The following PIAS2 variants were observed in gnomAD, a reference collection of about 807,000 sequenced individuals.
PIAS2 encodes protein inhibitor of activated STAT 2, also known as E3 SUMO-protein ligase PIAS2.
Under a neutral mutation model 69.7 loss-of-function variants are expected in PIAS2, and 19 were observed. The observed-to-expected ratio is 0.27, with a 90% CI of 0.19 to 0.40. The LOEUF is 0.40. Ranked by LOEUF, PIAS2 falls within the 10% of genes least tolerant of loss-of-function variation. The pLI is 1.00. For missense variants in PIAS2, 624 were observed against 757.0 expected (o/e 0.82, Z 2.06); for synonymous variants, 261 against 263.2 (o/e 0.99, Z 0.08).
rs548078151 is a variant in PIAS2, at chr18:46,910,048, C to T, written c.24+7274G>A. ...GTGCACACCTGTAATCCCGGCTACTCGGGAGGCTGAGGCAGTAAAATTGCT... is the reference window on the plus strand; with the variant it reads ...GTGCACACCTGTAATCCCGGCTACTTGGGAGGCTGAGGCAGTAAAATTGCT... On this transcript the variant is annotated intron_variant, in intron 1 of 13. Coordinates refer to ENST00000585916, the MANE Select transcript of PIAS2 (RefSeq NM_004671.5). Among the ~76,000 whole-genome samples, 20 of 152,068 alleles carry T rather than the reference C, an allele frequency of 1.3e-4. No homozygotes were observed. The South Asian group carries it at 3.9e-3, about 30-fold the overall frequency.
intron 1 of PIAS2, among the ~76,000 whole-genome samples, chr18:46,896,111 T>A (rs1232984020): frequency 2.5e-5 from 1 of 39,672 alleles, no homozygotes; most frequent in African/African-American, 1.1e-4. Context: ...AAAAAAGTAA[T>A]AATAAAATAA....
intron 2 of PIAS2, among the ~76,000 whole-genome samples, chr18:46,870,806 G>A (rs1175159408): frequency 6.6e-6 from 1 of 152,042 alleles, no homozygotes; most frequent in Non-Finnish European, 1.5e-5. Flanking sequence ...ATGGTAGTCT[G>A]GGAACGTGAA....
rs1300634194 is a variant in PIAS2, at chr18:46,917,311, C to T, written c.24+11G>A. 4 of 1,478,202 alleles carry T rather than the reference C, an allele frequency of 2.7e-6. No individual in the cohort carries two copies. The highest frequency in any genetic ancestry group is 3.6e-6 in the Non-Finnish European group (4 of 1,110,674). The allele number at this position is 1,478,202 out of a possible 1,614,324, so 91.6% of individuals were successfully genotyped here. Reference sequence around the variant, plus strand: ...CCTCCCCCGCGGCCTCCGCTCTCCACTCCCGCTTACCCTCAACTCTTCGAA... The same window carrying T: ...CCTCCCCCGCGGCCTCCGCTCTCCATTCCCGCTTACCCTCAACTCTTCGAA... On this transcript the variant is annotated intron_variant, in intron 1 of 13. Transcript: ENST00000585916.
At chr18:46,889,663 T>C (rs2053753101) in intron 2 of PIAS2, among the ~76,000 whole-genome samples, 1 of 152,220 alleles carries the variant, frequency 6.6e-6, no homozygotes, top group African/African-American at 2.4e-5. Flanking sequence ...GAAAACAGTA[T>C]GGTGATGCCT....
rs1435794997 is a variant in PIAS2, at chr18:46,877,735, T to TC, written c.499+12844dup. ...AACCGCGTTAGGGATAAAAACCCCTTCCCTACTTTGTTTGGTGTGCTCTCG... is the reference window on the plus strand; with the variant it reads ...AACCGCGTTAGGGATAAAAACCCCTTCCCCTACTTTGTTTGGTGTGCTCTCG... On this transcript the variant is annotated intron_variant, in intron 2 of 13. Coordinates refer to ENST00000585916, the MANE Select transcript of PIAS2 (RefSeq NM_004671.5). 3.9e-5 allele frequency among the ~76,000 whole-genome samples: 6 copies of TC among 152,154 alleles called. No homozygotes were observed. The South Asian group carries it at 1.0e-3, about 26-fold the overall frequency.
At chr18:46,818,385 GCA>G (rs774320110) in intron 12 of PIAS2, 9 of 1,574,570 alleles carry the variant, frequency 5.7e-6, no homozygotes, top group Non-Finnish European at 7.8e-6. Flanking sequence ...ATTCACTGTT[GCA>G]CAGTATCAGA....
At chr18:46,859,427 CAAAAAA>C (rs55776913) in intron 3 of PIAS2, among the ~76,000 whole-genome samples, 4 of 89,568 alleles carry the variant, frequency 4.5e-5, no homozygotes, top group African/African-American at 1.0e-4. Context: ...GACTCCGTCT[CAAAAAA>C]AAAAAAAAAA....
intron 11 of PIAS2, chr18:46,826,894 A>C (rs769307327): frequency 2.6e-5 from 4 of 152,226 alleles, no homozygotes; most frequent in African/African-American, 4.8e-5. Context: ...GCAAAACAAG[A>C]CATTTTATAT....
At chr18:46,912,219 T>C (rs1222683188) in intron 1 of PIAS2, among the ~76,000 whole-genome samples, 1 of 152,192 alleles carries the variant, frequency 6.6e-6, no homozygotes, top group Non-Finnish European at 1.5e-5. Context: ...AGGGGGCTGG[T>C]ACCAGGGTCC....
intron 3 of PIAS2, among the ~76,000 whole-genome samples, chr18:46,857,961 C>T (rs1225313124): frequency 6.6e-6 from 1 of 152,114 alleles, no homozygotes; most frequent in Non-Finnish European, 1.5e-5. Context: ...GAAATAAATG[C>T]AATGATGCCT....
intron 1 of PIAS2, among the ~76,000 whole-genome samples, chr18:46,904,979 G>A (rs1308476845): frequency 6.6e-6 from 1 of 152,086 alleles, no homozygotes; most frequent in Non-Finnish European, 1.5e-5. Context: ...GATTAACTCT[G>A]CTCTCTTAAT....
chr18:46,812,356 AAG>A lies in PIAS2; in HGVS notation c.*75_*76del. On this transcript the variant is annotated 3_prime_UTR_variant, in exon 14 of 14. Transcript: ENST00000585916. ...ACCAAATTATTAAAAAAAAAAAAAA[AAG>A]AACGTTTCCACAGACTAGAGATCCA... The A allele has an allele frequency of 8.5e-6, 7 of 822,854 alleles. No individual in the cohort carries two copies. The highest frequency in any genetic ancestry group is 2.3e-5 in the South Asian group (1 of 42,874). 51.0% of individuals were successfully genotyped at this position (822,854 alleles called of 1,614,324 possible).
intron 2 of PIAS2, among the ~76,000 whole-genome samples, chr18:46,881,298 T>G (rs1240219259): frequency 6.6e-6 from 1 of 152,226 alleles, no homozygotes; most frequent in Non-Finnish European, 1.5e-5. Flanking sequence ...AAGGGCTTAC[T>G]CTACCTGTGG....
intron 2 of PIAS2, among the ~76,000 whole-genome samples, chr18:46,887,738 T>A (rs2053440638): frequency 6.6e-6 from 1 of 152,168 alleles, no homozygotes; most frequent in Non-Finnish European, 1.5e-5. Context: ...AGTAAGTCCC[T>A]TTATAAAAAT....
rs2040808355 is a variant in PIAS2, at chr18:46,808,300, T to C, written c.*4133A>G. ...GACAGAATCATAGGCAATTAATTGT[T>C]ATACTTTTCTGTATTGTCTAAATTT... On this transcript the variant is annotated 3_prime_UTR_variant, in exon 14 of 14. Transcript: ENST00000585916. 1.3e-5 allele frequency: 2 copies of C among 152,212 alleles called. 1 individual carries two copies. The highest frequency in any genetic ancestry group is 4.8e-5 in the African/African-American group (2 of 41,454). The allele number at this position is 152,212 out of a possible 1,614,324, so 9.4% of individuals were successfully genotyped here.
At chr18:46,899,004 A>G (rs2055354027) in intron 1 of PIAS2, among the ~76,000 whole-genome samples, 1 of 152,030 alleles carries the variant, frequency 6.6e-6, no homozygotes. Context: ...CAAAAAAAAA[A>G]AAAAGCTTTG....
At chr18:46,877,554 G>A (rs552370879) in intron 2 of PIAS2, among the ~76,000 whole-genome samples, 63 of 152,072 alleles carry the variant, frequency 4.1e-4, no homozygotes, top group African/African-American at 1.3e-3. Context: ...CCTTTGCCGC[G>A]CCCTGACATG....
intron 3 of PIAS2, among the ~76,000 whole-genome samples, chr18:46,860,607 A>G (rs1023732387): frequency 1.3e-5 from 2 of 152,212 alleles, no homozygotes; most frequent in East Asian, 1.9e-4. Flanking sequence ...CAATTTGAGC[A>G]TATCAATTAC....
At chr18:46,834,690 C>A (rs2044173637) in intron 9 of PIAS2, among the ~76,000 whole-genome samples, 1 of 152,220 alleles carries the variant, frequency 6.6e-6, no homozygotes, top group East Asian at 1.9e-4. Flanking sequence ...CCATTGCTCA[C>A]TGCGGCCTCA....
Sources: gnomAD v4.1 joint callset for allele counts (sites outside exome capture counted in the v4.1 genomes callset) on GRCh38, gnomAD v4.1.1 for gene constraint, MANE v1.5 for transcripts, NCBI Gene and HGNC (gene_info 2026-07-23, HGNC 2026-07-21) for gene names.